Variants in MLLT1 observed in about 807,000 individuals in gnomAD.
MLLT1 encodes protein ENL.
In MLLT1, 11 loss-of-function variants were observed where a neutral mutation model predicts 55.1. That is an observed-to-expected ratio of 0.20 (90% confidence interval 0.13 to 0.33). The LOEUF (loss-of-function observed/expected upper bound fraction) is 0.33, where lower values mean the gene tolerates loss of function less well. MLLT1 is among the 10% of genes least tolerant of loss of function. MLLT1 has a pLI of 1.00. For synonymous variants in MLLT1, 323 were observed against 320.1 expected (o/e 1.01, Z -0.10); for missense variants, 536 against 760.6 (o/e 0.70, Z 3.47).
At chr19:6,249,612 C>T (rs964571293) in intron 3 of MLLT1, among the ~76,000 whole-genome samples, 5 of 152,206 alleles carry the variant, frequency 3.3e-5, no homozygotes, top group African/African-American at 1.2e-4. Flanking sequence ...GGGAGGCCAC[C>T]CGGATCCCCC....
rs970833280 is a variant in MLLT1, at chr19:6,212,789, C to T, written c.*253G>A. The T allele has an allele frequency of 1.9e-5, 18 of 946,758 alleles. No homozygotes were observed. Among genetic ancestry groups the T allele is most frequent in the South Asian group, 2.3e-5 (1 of 43,672 alleles). 58.6% of individuals were successfully genotyped at this position (946,758 alleles called of 1,614,324 possible). A position where few individuals can be genotyped will look rare whatever the true frequency, so the allele number is the denominator to read the frequency against. ...GCCCAGAGCTGCCTTCAACACCAGC[C>T]GCTCTCTGAGGGGAGCCCAGAGAGC... On this transcript the variant is annotated 3_prime_UTR_variant, in exon 12 of 12. Coordinates refer to ENST00000252674, the MANE Select transcript of MLLT1 (RefSeq NM_005934.4).
intron 5 of MLLT1, among the ~76,000 whole-genome samples, chr19:6,223,235 C>A (rs1414685270): frequency 6.6e-6 from 1 of 152,224 alleles, no homozygotes; most frequent in Admixed American, 6.5e-5. Context: ...AGGGTCCAGC[C>A]AGCTCAGGCC....
chr19:6,265,049 C>CAAAAAAAAAAA (rs2091336941), intron 2 of MLLT1, among the ~76,000 whole-genome samples: 2 of 23,302 alleles, frequency 8.6e-5, no homozygotes, highest in Non-Finnish European at 1.2e-4. Context: ...AAAAAAAAAA[C>CAAAAAAAAAAA]AAAAAAACAA....
chr19:6,251,306 T>G (rs1172007369), intron 3 of MLLT1, among the ~76,000 whole-genome samples: 1 of 152,222 alleles, frequency 6.6e-6, no homozygotes, highest in Admixed American at 6.5e-5. Context: ...GCGGCACTTA[T>G]TCACTGGTTG....
intron 3 of MLLT1, among the ~76,000 whole-genome samples, chr19:6,242,602 T>C (rs2091125619): frequency 6.6e-6 from 1 of 152,230 alleles, no homozygotes; most frequent in African/African-American, 2.4e-5. Flanking sequence ...AATCAGTGTG[T>C]ACCCCTCATG....
chr19:6,272,913 T>C lies in MLLT1; in HGVS notation c.13-2154A>G, dbSNP rs139290859. On this transcript the variant is annotated intron_variant, in intron 1 of 11. Transcript: ENST00000252674. The stretch of plus-strand genomic sequence containing the variant: ...AATTTCTATTTGGCAACTTAAAAAG[T>C]AAACTGAAACATGTACATGATACAG... Among the ~76,000 whole-genome samples, 1,018 of 152,314 alleles carry C rather than the reference T, an allele frequency of 6.7e-3. 7 individuals are homozygous for C. The highest frequency in any genetic ancestry group is 0.013 in the South Asian group (65 of 4,832).
chr19:6,213,627 A>C, intron 10 of MLLT1, 99 bp downstream of exon 10: 1 of 1,236,018 alleles, frequency 8.1e-7, no homozygotes, highest in Non-Finnish European at 1.2e-6. Flanking sequence ...GAAGAGTCCA[A>C]CTGTGGGGTG....
chr19:6,250,012 C>A (rs1029620986), intron 3 of MLLT1, among the ~76,000 whole-genome samples: 1 of 151,770 alleles, frequency 6.6e-6, no homozygotes, highest in Non-Finnish European at 1.5e-5. Context: ...CAGAGTGAGA[C>A]CCTGTTTCAA....
rs889193953 is a variant in MLLT1 at position 6,262,646 on chromosome 19, G to A, written c.194-336C>T. 3.9e-5 allele frequency among the ~76,000 whole-genome samples: 6 copies of A among 152,222 alleles called. No homozygotes were observed. The highest frequency in any genetic ancestry group is 1.9e-4 in the East Asian group (1 of 5,174). On this transcript the variant is annotated intron_variant, in intron 2 of 11. Coordinates refer to ENST00000252674, the MANE Select transcript of MLLT1 (RefSeq NM_005934.4). This position sits in a 1 kb window ranked among gnomAD's most constrained non-coding sequence, Gnocchi z 4.4. Reference sequence around the variant, plus strand: ...CAGAGAAGGCTGCACAAGTTTGCCCGACTCAGGTGGATGTCGGTAAGCGTG... The same window carrying A: ...CAGAGAAGGCTGCACAAGTTTGCCCAACTCAGGTGGATGTCGGTAAGCGTG...
Position 6,226,881 on chromosome 19 carries a change from G to T in MLLT1, c.546+96C>A. ...AGACGCCAAGGGAGCGAGCAGGTGC[G>T]GAAGGCCCAGCCCAGTGGAGGGAGG... On this transcript the variant is annotated intron_variant, in intron 5 of 11. Coordinates refer to ENST00000252674, the MANE Select transcript of MLLT1 (RefSeq NM_005934.4). The surrounding 1 kb of genome is among the most constrained non-coding windows in gnomAD (Gnocchi z 6.3). 9.4e-7 allele frequency: 1 copy of T among 1,067,604 alleles called. No individual in the cohort carries two copies. Among genetic ancestry groups the T allele is most frequent in the Non-Finnish European group, 1.3e-6 (1 of 782,690 alleles). 66.1% of individuals were successfully genotyped at this position (1,067,604 alleles called of 1,614,324 possible).
At position 6,270,798 on chromosome 19, in the gene MLLT1, G is replaced by A. The variant is rs1187229809; in HGVS notation, c.13-39C>T. 5 of 1,557,526 alleles carry A rather than the reference G, an allele frequency of 3.2e-6. No homozygotes were observed. In the South Asian group the frequency reaches 3.6e-5, roughly 11 times the overall value. On this transcript the variant is annotated intron_variant, in intron 1 of 11. Transcript: ENST00000252674. This position sits in a 1 kb window ranked among gnomAD's most constrained non-coding sequence, Gnocchi z 7.1. The stretch of plus-strand genomic sequence containing the variant: ...AGGTGGGGAGATGAAGTCAGCACAC[G>A]CCTCCAAGCAGGGGACTGTCCCCTT...
At chr19:6,248,496 T>C (rs910418808) in intron 3 of MLLT1, among the ~76,000 whole-genome samples, 3 of 152,212 alleles carry the variant, frequency 2.0e-5, no homozygotes, top group African/African-American at 7.2e-5. Context: ...ATCATGTTAA[T>C]ATCTGGCACT....
intron 2 of MLLT1, among the ~76,000 whole-genome samples, chr19:6,263,905 G>A (rs1313498142): frequency 7.4e-6 from 1 of 135,992 alleles, no homozygotes; most frequent in Non-Finnish European, 1.6e-5. Flanking sequence ...CAGGAGTGAG[G>A]ATGAAAGCTG....
chr19:6,274,997 T>C (rs1385560891), intron 1 of MLLT1, among the ~76,000 whole-genome samples: 6 of 152,216 alleles, frequency 3.9e-5, no homozygotes, highest in African/African-American at 1.4e-4. Flanking sequence ...CAACGCAGCG[T>C]GCGGTTCTCC....
At chr19:6,241,245 G>A (rs1003936420) in intron 3 of MLLT1, among the ~76,000 whole-genome samples, 11 of 152,072 alleles carry the variant, frequency 7.2e-5, no homozygotes, top group African/African-American at 1.2e-4. Context: ...CTAGACCCCC[G>A]CCCCATCCCG....
intron 3 of MLLT1, among the ~76,000 whole-genome samples, chr19:6,243,977 G>C (rs1165820596): frequency 2.0e-5 from 3 of 150,872 alleles, no homozygotes; most frequent in African/African-American, 7.3e-5. Context: ...CCAGGAGGCA[G>C]GGCTTGCAGT....
intron 2 of MLLT1, among the ~76,000 whole-genome samples, chr19:6,268,186 G>A (rs1429722773): frequency 6.6e-6 from 1 of 152,192 alleles, no homozygotes; most frequent in Non-Finnish European, 1.5e-5. Flanking sequence ...CCCTAAAAAG[G>A]GTGACGTGGG....
At chr19:6,238,952 C>T (rs964878251) in intron 3 of MLLT1, among the ~76,000 whole-genome samples, 5 of 152,252 alleles carry the variant, frequency 3.3e-5, no homozygotes, top group East Asian at 1.9e-4. Context: ...GGCCTTACCC[C>T]GCCACGCCTT....
In MLLT1 at chr19:6,230,939, A is replaced by C. The variant is rs1038428534; in HGVS notation, c.277-226T>G. On this transcript the variant is annotated intron_variant, in intron 3 of 11. Coordinates refer to ENST00000252674, the MANE Select transcript of MLLT1 (RefSeq NM_005934.4). This position sits in a 1 kb window ranked among gnomAD's most constrained non-coding sequence, Gnocchi z 9.0. ...GTCTTGCAGGCCCCATGGCAGAAAG[A>C]AAGCTCATTCATAGCCATGCTCTCG... Among the ~76,000 whole-genome samples, 1 of 152,214 alleles carries C rather than the reference A, an allele frequency of 6.6e-6. No individual in the cohort carries two copies. Among genetic ancestry groups the C allele is most frequent in the African/African-American group, 2.4e-5 (1 of 41,456 alleles).
Sources: gnomAD v4.1 joint callset for allele counts (sites outside exome capture counted in the v4.1 genomes callset) on GRCh38, gnomAD v4.1.1 for gene constraint, Gnocchi (gnomAD v3.1) non-coding constraint, MANE v1.5 for transcripts, NCBI Gene and HGNC (gene_info 2026-07-23, HGNC 2026-07-21) for gene names.